Variants in ELAVL1 observed in about 807,000 individuals in gnomAD.
ELAVL1 encodes ELAV like RNA binding protein 1.
In ELAVL1, 1 loss-of-function variant was observed where a neutral mutation model predicts 28.4. The observed-to-expected ratio is 0.04, with a 90% CI of 0.01 to 0.17. The LOEUF (loss-of-function observed/expected upper bound fraction) is 0.17, where lower values mean the gene tolerates loss of function less well. ELAVL1 is among the 10% of genes least tolerant of loss of function. The pLI is 1.00. For missense variants in ELAVL1, 157 were observed against 447.2 expected, an observed-to-expected ratio of 0.35 and a Z score of 5.85; for synonymous variants, 174 against 183.5, an observed-to-expected ratio of 0.95 and a Z score of 0.42.
intron 2 of ELAVL1, among the ~76,000 whole-genome samples, chr19:7,990,766 G>A (rs990596148): frequency 3.3e-5 from 5 of 152,132 alleles, no homozygotes; most frequent in Non-Finnish European, 5.9e-5. Context: ...AAAGCAGGGC[G>A]GAGACAGAAA....
intron 1 of ELAVL1, among the ~76,000 whole-genome samples, chr19:7,999,099 G>C (rs113974878): frequency 3.3e-5 from 5 of 152,238 alleles, no homozygotes; most frequent in African/African-American, 1.2e-4. Flanking sequence ...CTGGCCTGGC[G>C]TGGTGGCTTA....
intron 2 of ELAVL1, among the ~76,000 whole-genome samples, chr19:7,987,225 C>T (rs750142600): frequency 2.0e-5 from 3 of 151,950 alleles, no homozygotes; most frequent in African/African-American, 7.3e-5. Flanking sequence ...CCTTGGGCAG[C>T]GGTGTGGGCT....
chr19:8,002,145 C>T (rs545460085), intron 1 of ELAVL1: 6 of 1,286,476 alleles, frequency 4.7e-6, no homozygotes, highest in Non-Finnish European at 6.1e-6. Context: ...AAAGAACCCA[C>T]GTGGTTCTTT....
intron 1 of ELAVL1, among the ~76,000 whole-genome samples, chr19:7,995,558 T>C (rs1985853877): frequency 6.6e-6 from 1 of 152,240 alleles, no homozygotes; most frequent in African/African-American, 2.4e-5. Context: ...CATTTGTTTA[T>C]GTATTGTCTG....
intron 3 of ELAVL1, among the ~76,000 whole-genome samples, chr19:7,975,081 C>T (rs952983101): frequency 2.0e-5 from 3 of 152,136 alleles, no homozygotes; most frequent in Admixed American, 1.3e-4. Context: ...CTCCCAGGCC[C>T]GGGGCACCTC....
chr19:7,990,864 C>G (rs1328769498), intron 2 of ELAVL1, among the ~76,000 whole-genome samples: 1 of 152,156 alleles, frequency 6.6e-6, no homozygotes, highest in Non-Finnish European at 1.5e-5. Flanking sequence ...CGCACATGGT[C>G]TGTCCGTAAT....
Position 7,991,663 on chromosome 19 carries a change from A to C in ELAVL1, c.153T>G (p.Leu51=). ...CTTTACCTGCTACTTTATCCCGAAT[A>C]AGTTTTGCAGATTCAACTTCACCAA... ...SSIGEVESAK[L]IRDKVAGHSL... The change falls in exon 2 of 6, where the codon CTT becomes CTG. Residue 51 remains leucine, a synonymous_variant. Coordinates refer to ENST00000407627, the MANE Select transcript of ELAVL1 (RefSeq NM_001419.3). The C allele has an allele frequency of 6.2e-7, 1 of 1,611,708 alleles. No homozygotes were observed. The highest frequency in any genetic ancestry group is 8.5e-7 in the Non-Finnish European group (1 of 1,178,688).
At chr19:7,974,201 G>C (rs1044742172) in intron 3 of ELAVL1, among the ~76,000 whole-genome samples, 1 of 147,360 alleles carries the variant, frequency 6.8e-6, no homozygotes, top group African/African-American at 2.4e-5. Context: ...GCTGGACAGT[G>C]AGCCGGTGCC....
At chr19:8,003,293 G>A (rs1339864624) in intron 1 of ELAVL1, among the ~76,000 whole-genome samples, 2 of 136,056 alleles carry the variant, frequency 1.5e-5, no homozygotes, top group Non-Finnish European at 3.1e-5. Context: ...GGAGGCTGAG[G>A]TTGCAGTGAG....
Position 7,982,357 on chromosome 19 carries a change from G to A in ELAVL1, c.173-1171C>T, listed in dbSNP as rs1382969176. Among the ~76,000 whole-genome samples, 2 of 152,142 alleles carry A rather than the reference G, an allele frequency of 1.3e-5. No homozygotes were observed. Among genetic ancestry groups the A allele is most frequent in the Admixed American group, 6.5e-5 (1 of 15,268 alleles). On this transcript the variant is annotated intron_variant, in intron 2 of 5. Coordinates refer to ENST00000407627, the MANE Select transcript of ELAVL1 (RefSeq NM_001419.3). This position sits in a 1 kb window ranked among gnomAD's most constrained non-coding sequence, Gnocchi z 4.3. The stretch of plus-strand genomic sequence containing the variant: ...CCAGCACTGCTCCATTCCCCCAGCC[G>A]GCAGAGCGCGACAACGAGCAGGTCA...
intron 1 of ELAVL1, 104 bp from the exon 2 acceptor site, chr19:7,991,935 T>TC (rs1185944462): frequency 9.0e-5 from 87 of 966,776 alleles, no homozygotes; most frequent in Middle Eastern, 3.0e-4. Context: ...TTTCTTTCTT[T>TC]TTTTTTTTTT....
intron 4 of ELAVL1, chr19:7,972,801 T>A (rs1488593836): frequency 6.3e-5 from 1 of 15,988 alleles, no homozygotes; most frequent in Admixed American, 6.0e-4. Context: ...TGCAGTATCC[T>A]TTTTTTTTTT....
intron 2 of ELAVL1, among the ~76,000 whole-genome samples, chr19:7,990,104 C>A (rs949642633): frequency 4.1e-4 from 62 of 152,284 alleles, no homozygotes; most frequent in African/African-American, 1.3e-3. Context: ...CTCATTGCAA[C>A]CTCCGCCTCC....
rs550143073 is a variant in ELAVL1, at chr19:7,986,842, A to G, written c.172+4802T>C. Among the ~76,000 whole-genome samples, 359 of 152,350 alleles carry G rather than the reference A, an allele frequency of 2.4e-3. 1 individual carries two copies. Among genetic ancestry groups the G allele is most frequent in the African/African-American group, 6.7e-3 (279 of 41,576 alleles). ...AGCCTGAGAGAAGAGCCCATTCTGT[A>G]GAAGTACGTGGCTGCTTATGGCCAT... On this transcript the variant is annotated intron_variant, in intron 2 of 5. Transcript: ENST00000407627.
rs752929356 is a variant in ELAVL1 at position 7,981,120 on chromosome 19, G to A, written c.239C>T (p.Thr80Met). The A allele has an allele frequency of 6.2e-7, 1 of 1,614,152 alleles. No homozygotes were observed. Among genetic ancestry groups the A allele is most frequent in the Non-Finnish European group, 8.5e-7 (1 of 1,180,018 alleles). The change falls in exon 3 of 6, where the codon ACG becomes ATG. Residue 80 changes from threonine (T) to methionine (M), a missense_variant. Thr to Met is a moderately conservative substitution (Grantham distance 81, BLOSUM62 -1). This residue lies in a region of ELAVL1 where 28 missense variants were observed against 89.7 expected (regional missense o/e 0.31). Transcript: ENST00000407627. The surrounding 1 kb of genome is among the most constrained non-coding windows in gnomAD (Gnocchi z 4.2). Reference sequence around the variant, plus strand: ...TGACTGGAGCCTCAAGCCGTTCAGCGTGTTGATCGCTCTCTCTGCATCCTT... The same window carrying A: ...TGACTGGAGCCTCAAGCCGTTCAGCATGTTGATCGCTCTCTCTGCATCCTT... ...TAKDAERAIN[T>M]LNGLRLQSKT...
chr19:7,969,195 C>T (rs1985036167), intron 4 of ELAVL1, among the ~76,000 whole-genome samples: 1 of 152,220 alleles, frequency 6.6e-6, no homozygotes, highest in Admixed American at 6.5e-5. Flanking sequence ...AGTAAGATCT[C>T]ACCTCTTAAG....
intron 1 of ELAVL1, among the ~76,000 whole-genome samples, chr19:8,004,501 C>T (rs1488868748): frequency 6.6e-6 from 1 of 152,158 alleles, no homozygotes; most frequent in Non-Finnish European, 1.5e-5. Context: ...CATGGGGATA[C>T]TGCTGGCATC....
At chr19:7,977,498 G>A (rs536665311) in intron 3 of ELAVL1, among the ~76,000 whole-genome samples, 38 of 152,194 alleles carry the variant, frequency 2.5e-4, no homozygotes, top group African/African-American at 9.2e-4. Context: ...GTGGCACACA[G>A]GGACCCAGCA....
intron 4 of ELAVL1, among the ~76,000 whole-genome samples, chr19:7,970,106 G>C (rs1985066044): frequency 6.6e-6 from 1 of 151,862 alleles, no homozygotes; most frequent in Admixed American, 6.6e-5. Context: ...CCGAGTAGGT[G>C]GGACTCCAGG....
Sources: gnomAD v4.1 joint callset for allele counts (sites outside exome capture counted in the v4.1 genomes callset) on GRCh38, gnomAD v4.1.1 for gene constraint, gnomAD v4.1.1 regional missense constraint, Gnocchi (gnomAD v3.1) non-coding constraint, MANE v1.5 for transcripts, NCBI Gene and HGNC (gene_info 2026-07-23, HGNC 2026-07-21) for gene names.